The following SRGAP3 variants were observed in gnomAD, a reference collection of about 807,000 sequenced individuals.
SRGAP3 encodes the protein SLIT-ROBO Rho GTPase activating protein 3.
SRGAP3 carries 39 observed loss-of-function variants against 121.1 expected under a neutral mutation model. The observed-to-expected ratio is 0.32, with a 90% CI of 0.25 to 0.42. The LOEUF (loss-of-function observed/expected upper bound fraction) is 0.42, where lower values mean the gene tolerates loss of function less well. Ranked by LOEUF, SRGAP3 falls within the 10% of genes least tolerant of loss-of-function variation. The pLI is 1.00. For missense variants in SRGAP3, 1,213 were observed against 1,470.6 expected, an observed-to-expected ratio of 0.82 and a Z score of 2.86; for synonymous variants, 601 against 570.0, an observed-to-expected ratio of 1.05 and a Z score of -0.77.
intron 1 of SRGAP3, among the ~76,000 whole-genome samples, chr3:9,127,133 G>A (rs1178172625): frequency 6.6e-6 from 1 of 151,732 alleles, no homozygotes; most frequent in Non-Finnish European, 1.5e-5. Flanking sequence ...ACCAGCCTGG[G>A]AAACATAGGG....
At chr3:9,164,675 C>A (rs1056599498) in intron 1 of SRGAP3, among the ~76,000 whole-genome samples, 2 of 152,194 alleles carry the variant, frequency 1.3e-5, no homozygotes, top group Non-Finnish European at 2.9e-5. Flanking sequence ...TCTGATATCA[C>A]ATGCTAAGCA....
At chr3:9,137,577 A>G (rs995641700) in intron 1 of SRGAP3, among the ~76,000 whole-genome samples, 27 of 152,246 alleles carry the variant, frequency 1.8e-4, no homozygotes, top group African/African-American at 6.5e-4. Context: ...CCAACACACT[A>G]GGGAATTAGC....
chr3:9,143,158 A>AT (rs146331039), intron 1 of SRGAP3, among the ~76,000 whole-genome samples: 48 of 152,104 alleles, frequency 3.2e-4, no homozygotes, highest in African/African-American at 1.1e-3. Context: ...TTAATCTAAC[A>AT]TACCTCTGTT....
intron 4 of SRGAP3, chr3:9,065,371 TGAGGCTCG>T (rs1450236534): frequency 6.6e-6 from 1 of 152,220 alleles, no homozygotes; most frequent in African/African-American, 2.4e-5. Flanking sequence ...ACAGGGAAAC[TGAGGCTCG>T]GAGGTGCAAA....
intron 2 of SRGAP3, among the ~76,000 whole-genome samples, chr3:9,108,692 A>C (rs73138211): frequency 0.031 from 4,761 of 152,272 alleles, 238 homozygotes; most frequent in African/African-American, 0.11. Context: ...GATATAACCA[A>C]CATGTGTTTT....
chr3:9,106,833 A>G (rs563478554), intron 2 of SRGAP3, among the ~76,000 whole-genome samples: 1 of 152,046 alleles, frequency 6.6e-6, no homozygotes, highest in African/African-American at 2.4e-5. Flanking sequence ...GGACTAATAC[A>G]GCAATTCTGC....
intron 1 of SRGAP3, among the ~76,000 whole-genome samples, chr3:9,203,147 A>G (rs1952126331): frequency 6.6e-6 from 1 of 152,180 alleles, no homozygotes; most frequent in African/African-American, 2.4e-5. Context: ...CGGGTCTCAT[A>G]AAGACATTTT....
At chr3:9,204,263 C>A (rs1952181919) in intron 1 of SRGAP3, among the ~76,000 whole-genome samples, 1 of 152,224 alleles carries the variant, frequency 6.6e-6, no homozygotes, top group Non-Finnish European at 1.5e-5. Flanking sequence ...GCCAGAAAGG[C>A]CACAGAAGTG....
intron 2 of SRGAP3, among the ~76,000 whole-genome samples, chr3:9,119,835 T>C (rs1176466273): frequency 1.3e-5 from 2 of 152,184 alleles, no homozygotes; most frequent in African/African-American, 4.8e-5. Context: ...GCCGTCCCCA[T>C]GGAGGAACCA....
At chr3:9,342,767 G>C (rs1475395784) in intron 1 of SRGAP3, among the ~76,000 whole-genome samples, 1 of 152,238 alleles carries the variant, frequency 6.6e-6, no homozygotes, top group Non-Finnish European at 1.5e-5. Context: ...TCAGATTTGA[G>C]AATGGCTTCA....
chr3:8,990,337 A>G (rs111524195), intron 21 of SRGAP3, among the ~76,000 whole-genome samples, 175 bp downstream of exon 21: 1,956 of 152,306 alleles, frequency 0.013, 32 homozygotes, highest in African/African-American at 0.043. Flanking sequence ...GCTCCCAACC[A>G]GTCTCCACTC....
chr3:9,197,492 A>C (rs1951950829), intron 1 of SRGAP3, among the ~76,000 whole-genome samples: 1 of 152,250 alleles, frequency 6.6e-6, no homozygotes, highest in South Asian at 2.1e-4. Context: ...ATATCAGTTA[A>C]ATAATCACTA....
Position 8,992,935 on chromosome 3 carries a change from C to T in SRGAP3, c.2529G>A (p.Ser843=), listed in dbSNP as rs552319348. The T allele has an allele frequency of 4.1e-5, 66 of 1,614,196 alleles. 1 individual carries two copies. The highest frequency in any genetic ancestry group is 4.1e-4 in the South Asian group (37 of 91,086). Residue 843 remains serine, a synonymous_variant, in exon 20 of 22, where the codon TCG becomes TCA. Transcript: ENST00000383836. ...CCATCACCCCCCCAAAGCCGTAATC[C>T]GAGATGTGCTCCGTGGGGGACTGGA... ...NDLQSPTEHI[S]DYGFGGVMGR... is the part of the protein sequence containing the mutation.
At chr3:9,286,759 C>T (rs1169611038) in intron 3 of SRGAP3, among the ~76,000 whole-genome samples, 1 of 149,568 alleles carries the variant, frequency 6.7e-6, no homozygotes, top group East Asian at 2.0e-4. Context: ...CCCGCCACCA[C>T]ACCCGGCTAA....
At chr3:9,107,798 AC>A (rs1453697550) in intron 2 of SRGAP3, among the ~76,000 whole-genome samples, 5 of 151,902 alleles carry the variant, frequency 3.3e-5, no homozygotes, top group South Asian at 4.2e-4. Flanking sequence ...CCTCCCCCTC[AC>A]CCTACTGTGA....
intron 3 of SRGAP3, among the ~76,000 whole-genome samples, chr3:9,104,301 C>T (rs978235734): frequency 6.6e-5 from 10 of 152,170 alleles, no homozygotes; most frequent in African/African-American, 9.7e-5. Context: ...CGTTTGTACA[C>T]GAGAAATTCC....
chr3:9,060,164 T>C (rs1024711497), intron 6 of SRGAP3, 67 bp downstream of exon 6: 7 of 1,611,340 alleles, frequency 4.3e-6, no homozygotes, highest in Non-Finnish European at 5.9e-6. Context: ...AGCCCCTCCT[T>C]CAGCCAGTGA....
intron 3 of SRGAP3, among the ~76,000 whole-genome samples, chr3:9,289,998 C>A (rs531728273): frequency 6.6e-6 from 1 of 152,138 alleles, no homozygotes; most frequent in Non-Finnish European, 1.5e-5. Context: ...GTAGTCCCAG[C>A]TACTCAGGAG....
intron 13 of SRGAP3, among the ~76,000 whole-genome samples, chr3:9,026,441 G>A (rs1226839023): frequency 6.6e-6 from 1 of 152,156 alleles, no homozygotes; most frequent in Non-Finnish European, 1.5e-5. Flanking sequence ...TAGTTTTGGA[G>A]GAATGAACGA....
Sources: allele counts gnomAD v4.1 joint callset (sites outside exome capture counted in the v4.1 genomes callset), GRCh38; gene constraint gnomAD v4.1.1; transcripts MANE v1.5; gene names NCBI Gene and HGNC (gene_info 2026-07-23, HGNC 2026-07-21).